The following SLC32A1 variants were observed in gnomAD, a reference collection of about 807,000 sequenced individuals.
SLC32A1 encodes the protein vesicular inhibitory amino acid transporter.
Under a neutral mutation model 35.5 loss-of-function variants are expected in SLC32A1, and 8 were observed. That is an observed-to-expected ratio of 0.23 (90% CI 0.13 to 0.41). SLC32A1 has a LOEUF of 0.41. Ranked by LOEUF, SLC32A1 falls within the 10% of genes least tolerant of loss-of-function variation. The pLI, the probability that SLC32A1 is intolerant of heterozygous loss-of-function variation, is 1.00. For synonymous variants in SLC32A1, 317 were observed against 326.3 expected (o/e 0.97, Z 0.31); for missense variants, 493 against 722.3 (o/e 0.68, Z 3.64).
Position 38,728,001 on chromosome 20 carries a change from G to A in SLC32A1, c.940G>A (p.Val314Met), listed in dbSNP as rs1201369045. 1.2e-6 allele frequency: 2 copies of A among 1,614,072 alleles called. No individual in the cohort carries two copies. The highest frequency in any genetic ancestry group is 1.7e-6 in the Non-Finnish European group (2 of 1,180,050). The change falls in exon 2 of 2, where the codon GTG (valine) becomes ATG (methionine). Residue 314 changes from valine to methionine, a missense_variant. Physicochemically the swap from Val to Met is conservative, Grantham distance 21. Transcript: ENST00000217420. ...GTTCCCCATCTCCATTGGCATCATC[G>A]TGTTCAGCTACACGTCTCAGATCTT... is the stretch of plus-strand genomic sequence containing the variant. ...KKFPISIGII[V>M]FSYTSQIFLP...
chr20:38,726,186 A>C lies in SLC32A1; in HGVS notation c.390+1072A>C, dbSNP rs6128822. Among the ~76,000 whole-genome samples, 101,022 of 151,938 alleles carry C rather than the reference A, an allele frequency of 0.66. 35,486 individuals are homozygous for C. The highest frequency in any genetic ancestry group is 0.79 in the Middle Eastern group (231 of 294). On this transcript the variant is annotated intron_variant, in intron 1 of 1. Coordinates refer to ENST00000217420, the MANE Select transcript of SLC32A1 (RefSeq NM_080552.3). This position sits in a 1 kb window ranked among gnomAD's most constrained non-coding sequence, Gnocchi z 4.7. Reference sequence around the variant, plus strand: ...CCGAAGGAGACTTCAGCTCTAGGCAACCCCGGTCCCTTACAGCTTGGCCCC... The same window carrying C: ...CCGAAGGAGACTTCAGCTCTAGGCACCCCCGGTCCCTTACAGCTTGGCCCC...
chr20:38,727,378 C>A, intron 1 of SLC32A1, 74 bp from the exon 2 acceptor site: 12 of 1,432,548 alleles, frequency 8.4e-6, no homozygotes, highest in Non-Finnish European at 1.2e-5. Context: ...CAGCGTTAAG[C>A]CACGCCCCCC....
Position 38,727,886 on chromosome 20 carries a change from C to G in SLC32A1, c.825C>G (p.Phe275Leu), listed in dbSNP as rs748614601. The G allele has an allele frequency of 1.4e-5, 23 of 1,614,132 alleles. No homozygotes were observed. The East Asian group carries it at 4.9e-4, about 34-fold the overall frequency. The change falls in exon 2 of 2, where the codon TTC becomes TTG. Residue 275 changes from phenylalanine (F) to leucine (L), a missense_variant. By Grantham distance (22) the Phe-to-Leu change is conservative. Around this residue, in one of 4 missense-constraint regions of SLC32A1, gnomAD observed 269 missense variants for 445.6 expected, o/e 0.60. Transcript: ENST00000217420. Reference protein sequence around the residue: ...KFSLLCTLAHFVINILVIAYC... With the variant: ...KFSLLCTLAHLVINILVIAYC... ...GTCTGCTGTGCACTCTGGCCCACTTCGTCATCAATATCCTGGTCATAGCCT... is the reference window on the plus strand; with the variant it reads ...GTCTGCTGTGCACTCTGGCCCACTTGGTCATCAATATCCTGGTCATAGCCT...
At position 38,729,354 on chromosome 20, in the gene SLC32A1, TAAAG is replaced by T. The variant is rs963282926; in HGVS notation, c.*718_*721del. The stretch of plus-strand genomic sequence containing the variant: ...TGCGGTACATAATTATATCCGCAAA[TAAAG>T]AAGAGACAAAGGCTTGCGCGGCCCG... On this transcript the variant is annotated 3_prime_UTR_variant, in exon 2 of 2. Coordinates refer to ENST00000217420, the MANE Select transcript of SLC32A1 (RefSeq NM_080552.3). 2.0e-5 allele frequency: 3 copies of T among 152,530 alleles called. No homozygotes were observed. Among genetic ancestry groups the T allele is most frequent in the Non-Finnish European group, 4.4e-5 (3 of 68,028 alleles). The allele number at this position is 152,530 out of a possible 1,614,324, so 9.4% of individuals were successfully genotyped here. A position where few individuals can be genotyped will look rare whatever the true frequency, so the allele number is the denominator to read the frequency against.
intron 1 of SLC32A1, 78 bp downstream of exon 1, chr20:38,725,192 C>G: frequency 2.7e-6 from 4 of 1,472,570 alleles, no homozygotes; most frequent in Non-Finnish European, 3.6e-6. Flanking sequence ...CGACAGTCGC[C>G]CGGTGATCTC....
rs769891542 is a variant in SLC32A1 at position 38,727,489 on chromosome 20, A to G, written c.428A>G (p.His143Arg). ...CTGGGCCTACCCTACGCCATCCTGC[A>G]CGGCGGCTACCTGGGGTTGTTTCTC... is the stretch of plus-strand genomic sequence containing the variant. ...FVLGLPYAIL[H>R]GGYLGLFLII... The change falls in exon 2 of 2, where the codon CAC becomes CGC. Residue 143 changes from histidine (H) to arginine (R), a missense_variant. Coordinates refer to ENST00000217420, the MANE Select transcript of SLC32A1 (RefSeq NM_080552.3). 6.2e-7 allele frequency: 1 copy of G among 1,609,120 alleles called. No individual in the cohort carries two copies.
At chr20:38,725,524 G>A (rs2084272163) in intron 1 of SLC32A1, among the ~76,000 whole-genome samples, 1 of 152,122 alleles carries the variant, frequency 6.6e-6, no homozygotes, top group Non-Finnish European at 1.5e-5. Flanking sequence ...AAATCGCTGA[G>A]GTCGGAGTCT....
chr20:38,729,166 G>C lies in SLC32A1; in HGVS notation c.*527G>C, dbSNP rs2145650996. 1 of 154,388 alleles carries C rather than the reference G, an allele frequency of 6.5e-6. No individual in the cohort carries two copies. Among genetic ancestry groups the C allele is most frequent in the East Asian group, 1.9e-4 (1 of 5,222 alleles). 9.6% of individuals were successfully genotyped at this position (154,388 alleles called of 1,614,324 possible). On this transcript the variant is annotated 3_prime_UTR_variant, in exon 2 of 2. Transcript: ENST00000217420. Reference sequence around the variant, plus strand: ...CAATTTCCTTCAACGAAGCCGGAAGGCGAGAAGCCGCGGCGGGGCCAGCTT... The same window carrying C: ...CAATTTCCTTCAACGAAGCCGGAAGCCGAGAAGCCGCGGCGGGGCCAGCTT...
Position 38,727,719 on chromosome 20 carries a change from C to T in SLC32A1, c.658C>T (p.Leu220=), listed in dbSNP as rs772284025. The change falls in exon 2 of 2, where the codon CTG becomes TTG. Residue 220 remains leucine (L), a synonymous_variant. Transcript: ENST00000217420. ...CATCGAGCTGGTGATGACGTGCATC[C>T]TGTACGTGGTGGTGAGTGGCAACCT... ...QIIELVMTCI[L]YVVVSGNLMY... 5 of 1,614,224 alleles carry T rather than the reference C, an allele frequency of 3.1e-6. No homozygotes were observed. The Admixed American group carries it at 6.7e-5, about 22-fold the overall frequency.
Position 38,727,643 on chromosome 20 carries a change from C to T in SLC32A1, c.582C>T (p.Cys194=), listed in dbSNP as rs765312308. The change falls in exon 2 of 2, where the codon TGC becomes TGT. Residue 194 remains cysteine (C), a synonymous_variant. Coordinates refer to ENST00000217420, the MANE Select transcript of SLC32A1 (RefSeq NM_080552.3). ...DSYVAIANAC[C]APRFPTLGGR... ...ACGTGGCCATAGCCAACGCCTGCTG[C>T]GCCCCGCGCTTCCCAACGCTGGGCG... 7 of 1,613,900 alleles carry T rather than the reference C, an allele frequency of 4.3e-6. No individual in the cohort carries two copies. The highest frequency in any genetic ancestry group is 1.6e-4 in the Middle Eastern group (1 of 6,084).
intron 1 of SLC32A1, among the ~76,000 whole-genome samples, chr20:38,725,680 G>A (rs1054280362): frequency 3.3e-5 from 5 of 152,090 alleles, no homozygotes; most frequent in African/African-American, 1.2e-4. Context: ...ATCCCCAAAT[G>A]CACCTGCGTA....
At position 38,724,510 on chromosome 20, in the gene SLC32A1, G is replaced by A. The variant is rs1601180609; in HGVS notation, c.-215G>A. 1.0e-5 allele frequency: 6 copies of A among 592,808 alleles called. No homozygotes were observed. The highest frequency in any genetic ancestry group is 1.7e-5 in the Non-Finnish European group (6 of 361,364). 36.7% of individuals were successfully genotyped at this position (592,808 alleles called of 1,614,324 possible). ...CAGTGCACTAGCCACCACCGCCGCC[G>A]CCGCCGCTCCGCCAGACCTGCTGCC... On this transcript the variant is annotated 5_prime_UTR_variant, in exon 1 of 2. Transcript: ENST00000217420.
Position 38,728,340 on chromosome 20 carries a change from C to A in SLC32A1, c.1279C>A (p.Arg427Ser). 4 of 1,613,030 alleles carry A rather than the reference C, an allele frequency of 2.5e-6. No individual in the cohort carries two copies. Among genetic ancestry groups the A allele is most frequent in the Non-Finnish European group, 2.5e-6 (3 of 1,179,760 alleles). Reference sequence around the variant, plus strand: ...CCCGGCCTGCTACAGCGGCGACGGGCGCCTGAAGTCCTGGGGGCTGACGCT... The same window carrying A: ...CCCGGCCTGCTACAGCGGCGACGGGAGCCTGAAGTCCTGGGGGCTGACGCT... ...FFPACYSGDG[R>S]LKSWGLTLRC... Residue 427 changes from arginine (R) to serine (S), a missense_variant, in exon 2 of 2, where the codon CGC (arginine) becomes AGC (serine). By Grantham distance (110) the Arg-to-Ser change is moderately radical (BLOSUM62 -1). Around this residue, in one of 4 missense-constraint regions of SLC32A1, gnomAD observed 269 missense variants for 445.6 expected, o/e 0.60. Coordinates refer to ENST00000217420, the MANE Select transcript of SLC32A1 (RefSeq NM_080552.3).
Position 38,724,861 on chromosome 20 carries a change from A to G in SLC32A1, c.137A>G (p.His46Arg), listed in dbSNP as rs1323079141. The G allele has an allele frequency of 6.2e-7, 1 of 1,613,836 alleles. No homozygotes were observed. Among genetic ancestry groups the G allele is most frequent in the East Asian group, 2.2e-5 (1 of 44,878 alleles). ...ATDEEAVGFA[H>R]CDDLDFEHRQ... ...GATGAGGAGGCGGTGGGCTTCGCGC[A>G]TTGCGACGACCTCGACTTTGAGCAC... The change falls in exon 1 of 2, where the codon CAT becomes CGT. Residue 46 changes from histidine to arginine, a missense_variant. Physicochemically the swap from His to Arg is conservative, Grantham distance 29. Around this residue, in one of 4 missense-constraint regions of SLC32A1, gnomAD observed 133 missense variants for 145.9 expected, o/e 0.91. Coordinates refer to ENST00000217420, the MANE Select transcript of SLC32A1 (RefSeq NM_080552.3).
rs1402553101 is a variant in SLC32A1 at position 38,724,504 on chromosome 20, GCCGCCGCCGC to G, written c.-219_-210del. ...GCTCCGCAGTGCACTAGCCACCACC[GCCGCCGCCGC>G]CGCTCCGCCAGACCTGCTGCCAGCT... On this transcript the variant is annotated 5_prime_UTR_variant, in exon 1 of 2. Coordinates refer to ENST00000217420, the MANE Select transcript of SLC32A1 (RefSeq NM_080552.3). 15 of 453,796 alleles carry G rather than the reference GCCGCCGCCGC, an allele frequency of 3.3e-5. No homozygotes were observed. The highest frequency in any genetic ancestry group is 6.2e-4 in the Middle Eastern group (1 of 1,606). The allele number at this position is 453,796 out of a possible 1,614,324, so 28.1% of individuals were successfully genotyped here.
intron 1 of SLC32A1, among the ~76,000 whole-genome samples, chr20:38,725,439 G>C (rs1479525962): frequency 6.6e-6 from 1 of 152,234 alleles, no homozygotes; most frequent in African/African-American, 2.4e-5. Context: ...AGAAAATCAG[G>C]ATTGGAGGGC....
rs2084287264 is a variant in SLC32A1 at position 38,728,528 on chromosome 20, A to G, written c.1467A>G (p.Gln489=). ...TCTGGCGCAAGCTGCTGTGGCACCA[A>G]GTCTTCTTCGACGTCGCCATCTTCG... is the stretch of plus-strand genomic sequence containing the variant. ...RLLWRKLLWH[Q]VFFDVAIFVI... Residue 489 remains glutamine (Q), a synonymous_variant, in exon 2 of 2, where the codon CAA becomes CAG. Coordinates refer to ENST00000217420, the MANE Select transcript of SLC32A1 (RefSeq NM_080552.3). The G allele has an allele frequency of 6.2e-7, 1 of 1,613,448 alleles. No homozygotes were observed. Among genetic ancestry groups the G allele is most frequent in the South Asian group, 1.1e-5 (1 of 91,086 alleles).
Position 38,729,184 on chromosome 20 carries a change from GCCAGCTTGCCTGC to G in SLC32A1, c.*547_*559del, listed in dbSNP as rs2084290516. 6.5e-6 allele frequency: 1 copy of G among 154,208 alleles called. No homozygotes were observed. The highest frequency in any genetic ancestry group is 1.4e-5 in the Non-Finnish European group (1 of 69,146). The allele number at this position is 154,208 out of a possible 1,614,324, so 9.6% of individuals were successfully genotyped here. A position where few individuals can be genotyped will look rare whatever the true frequency, so the allele number is the denominator to read the frequency against. On this transcript the variant is annotated 3_prime_UTR_variant, in exon 2 of 2. Coordinates refer to ENST00000217420, the MANE Select transcript of SLC32A1 (RefSeq NM_080552.3). ...CCGGAAGGCGAGAAGCCGCGGCGGG[GCCAGCTTGCCTGC>G]CGGTTTTCAGGAATCTAAACTCTCA...
rs2084277287 is a variant in SLC32A1, at chr20:38,726,638, G to A, written c.391-814G>A. 6.6e-6 allele frequency among the ~76,000 whole-genome samples: 1 copy of A among 152,070 alleles called. No homozygotes were observed. The highest frequency in any genetic ancestry group is 1.5e-5 in the Non-Finnish European group (1 of 67,996). ...GGTTCGGCTTTCTGGCCTCCCTGGC[G>A]CCTTCCCGCCAAGCTCCTCCTCCTG... On this transcript the variant is annotated intron_variant, in intron 1 of 1. Coordinates refer to ENST00000217420, the MANE Select transcript of SLC32A1 (RefSeq NM_080552.3). The surrounding 1 kb of genome is among the most constrained non-coding windows in gnomAD (Gnocchi z 4.7).
Sources: allele counts gnomAD v4.1 joint callset (sites outside exome capture counted in the v4.1 genomes callset), GRCh38; gene constraint gnomAD v4.1.1; regional missense constraint gnomAD v4.1.1; non-coding constraint Gnocchi (gnomAD v3.1); transcripts MANE v1.5; gene names NCBI Gene and HGNC (gene_info 2026-07-23, HGNC 2026-07-21).